The following KIAA1217 variants were observed in gnomAD, a reference collection of about 807,000 sequenced individuals.
The protein encoded by KIAA1217 is KIAA1217.
A neutral mutation model predicts 163.9 loss-of-function variants in KIAA1217; 88 were observed. That is an observed-to-expected ratio of 0.54 (90% CI 0.45 to 0.64). The LOEUF is 0.64. Ranked by LOEUF, KIAA1217 falls within the 30% of genes least tolerant of loss-of-function variation. The pLI is 0.00. For synonymous variants in KIAA1217, 903 were observed against 923.1 expected (o/e 0.98, Z 0.39); for missense variants, 2,372 against 2,475.0 (o/e 0.96, Z 0.88).
chr10:24,046,085 TTTCA>T (rs1230573250), intron 2 of KIAA1217, among the ~76,000 whole-genome samples: 1 of 143,364 alleles, frequency 7.0e-6, no homozygotes, highest in Non-Finnish European at 1.5e-5. Context: ...TTTGTCCTGA[TTTCA>T]TTTATTTATT....
At chr10:24,492,803 A>ACCATCTCTCAAAAAGAGT (rs77282386) in intron 6 of KIAA1217, among the ~76,000 whole-genome samples, 1 of 151,536 alleles carries the variant, frequency 6.6e-6, no homozygotes, top group Admixed American at 6.6e-5. Context: ...ATGCAGATGC[A>ACCATCTCTCAAAAAGAGT]CCAGCTTAAT....
intron 2 of KIAA1217, among the ~76,000 whole-genome samples, chr10:24,343,808 G>T (rs1299923105): frequency 6.6e-6 from 1 of 152,166 alleles, no homozygotes; most frequent in Non-Finnish European, 1.5e-5. Context: ...TTGCCAAGTG[G>T]CTAGTCAACA....
intron 1 of KIAA1217, among the ~76,000 whole-genome samples, chr10:24,212,616 T>G (rs748275685): frequency 1.3e-5 from 2 of 152,220 alleles, no homozygotes; most frequent in Non-Finnish European, 2.9e-5. Context: ...GTGAATATGA[T>G]GCTGTAGAGA....
intron 1 of KIAA1217, among the ~76,000 whole-genome samples, chr10:23,969,188 C>A (rs1324010104): frequency 6.6e-6 from 1 of 152,206 alleles, no homozygotes; most frequent in Non-Finnish European, 1.5e-5. Context: ...GCACGCGCCA[C>A]TATGCCTGCC....
At chr10:24,314,599 T>C (rs574785251) in intron 2 of KIAA1217, among the ~76,000 whole-genome samples, 54 of 152,328 alleles carry the variant, frequency 3.5e-4, no homozygotes, top group Admixed American at 6.5e-4. Flanking sequence ...TTTCCATGGT[T>C]GTTGATGGAG....
intron 2 of KIAA1217, among the ~76,000 whole-genome samples, chr10:24,118,804 T>G (rs775613279): frequency 5.3e-5 from 8 of 152,114 alleles, no homozygotes; most frequent in Non-Finnish European, 1.0e-4. Context: ...CAAAGATTTG[T>G]CCTGTTGAGT....
chr10:24,220,675 C>T (rs1025767542), intron 2 of KIAA1217, among the ~76,000 whole-genome samples: 4 of 150,094 alleles, frequency 2.7e-5, no homozygotes, highest in African/African-American at 9.8e-5. Context: ...AGGATGGTCT[C>T]GATCTCCTGA....
intron 6 of KIAA1217, among the ~76,000 whole-genome samples, chr10:24,475,829 T>G (rs1470201955): frequency 6.6e-6 from 1 of 152,186 alleles, no homozygotes; most frequent in African/African-American, 2.4e-5. Flanking sequence ...TGTTGCATAC[T>G]TCACAGAAAG....
chr10:24,317,244 A>G (rs1043614840), intron 2 of KIAA1217, among the ~76,000 whole-genome samples: 2 of 152,158 alleles, frequency 1.3e-5, no homozygotes, highest in African/African-American at 4.8e-5. Flanking sequence ...ATTTGTGACA[A>G]GGGTCTTTTG....
chr10:24,011,951 A>C (rs1267524418), intron 2 of KIAA1217, among the ~76,000 whole-genome samples: 1 of 152,166 alleles, frequency 6.6e-6, no homozygotes, highest in East Asian at 1.9e-4. Context: ...CCAATATCCA[A>C]TGGCATTATT....
chr10:23,837,337 C>T (rs749511260), intron 1 of KIAA1217, among the ~76,000 whole-genome samples: 1 of 152,198 alleles, frequency 6.6e-6, no homozygotes, highest in Non-Finnish European at 1.5e-5. Context: ...CTCAGATTTT[C>T]TTTCAACCCA....
intron 17 of KIAA1217, among the ~76,000 whole-genome samples, chr10:24,537,577 C>CAA (rs72185665): frequency 3.6e-4 from 43 of 119,162 alleles, no homozygotes; most frequent in African/African-American, 1.1e-3. Context: ...AACTCTGTCT[C>CAA]AAAAAAAAAA....
intron 2 of KIAA1217, among the ~76,000 whole-genome samples, chr10:24,011,306 C>T (rs1031945702): frequency 4.0e-5 from 6 of 151,860 alleles, no homozygotes; most frequent in East Asian, 1.9e-4. Context: ...GACAACATAG[C>T]GAGACCCCAT....
intron 2 of KIAA1217, among the ~76,000 whole-genome samples, chr10:24,274,303 G>A (rs1018497084): frequency 2.0e-5 from 3 of 151,800 alleles, no homozygotes; most frequent in Admixed American, 6.6e-5. Flanking sequence ...AGCCACCTCA[G>A]CCTCCCAAGT....
intron 2 of KIAA1217, among the ~76,000 whole-genome samples, chr10:24,277,994 A>G (rs1203699617): frequency 6.6e-6 from 1 of 152,206 alleles, no homozygotes; most frequent in Non-Finnish European, 1.5e-5. Context: ...CTATGGACCT[A>G]TGCCTTTTGT....
chr10:23,818,349 A>ATATATATATATATATATAT (rs1488592375), intron 1 of KIAA1217, among the ~76,000 whole-genome samples: 1 of 126,852 alleles, frequency 7.9e-6, no homozygotes, highest in African/African-American at 3.2e-5. Context: ...TATATATAAA[A>ATATATATATATATATATAT]AAATATATAT....
At chr10:24,486,473 G>A (rs1383599761) in intron 6 of KIAA1217, among the ~76,000 whole-genome samples, 4 of 151,988 alleles carry the variant, frequency 2.6e-5, no homozygotes, top group Admixed American at 6.6e-5. Flanking sequence ...GATTCCCCTC[G>A]CCACAAGCCC....
At chr10:24,373,543 A>G (rs1372386171) in intron 2 of KIAA1217, among the ~76,000 whole-genome samples, 1 of 152,208 alleles carries the variant, frequency 6.6e-6, no homozygotes, top group Non-Finnish European at 1.5e-5. Flanking sequence ...TAGCAATAGA[A>G]GTTCCATAAA....
chr10:24,025,683 C>T (rs1284448305), intron 2 of KIAA1217, among the ~76,000 whole-genome samples: 1 of 151,630 alleles, frequency 6.6e-6, no homozygotes, highest in Non-Finnish European at 1.5e-5. Context: ...TTCTTAATTT[C>T]CCTCAGCAAA....
Sources: gnomAD v4.1 joint callset for allele counts (sites outside exome capture counted in the v4.1 genomes callset) on GRCh38, gnomAD v4.1.1 for gene constraint, MANE v1.5 for transcripts, NCBI Gene and HGNC (gene_info 2026-07-23, HGNC 2026-07-21) for gene names.